The following HPS5 variants were observed in gnomAD, a reference collection of about 807,000 sequenced individuals.
HPS5 encodes the protein BLOC-2 complex member HPS5.
HPS5 carries 83 observed loss-of-function variants against 128.0 expected under a neutral mutation model. That is an observed-to-expected ratio of 0.65 (90% CI 0.54 to 0.78). The LOEUF (loss-of-function observed/expected upper bound fraction) is 0.78. Among genes scored for constraint, HPS5 ranks in the 30% least tolerant of loss-of-function variants. The pLI, the probability that HPS5 is intolerant of heterozygous loss-of-function variation, is 0.00. For synonymous variants in HPS5, 475 were observed against 470.2 expected, an observed-to-expected ratio of 1.01 and a Z score of -0.13; for missense variants, 1,281 against 1,326.2, an observed-to-expected ratio of 0.97 and a Z score of 0.53.
At chr11:18,314,165 T>C (rs988044035) in intron 2 of HPS5, among the ~76,000 whole-genome samples, 4 of 152,138 alleles carry the variant, frequency 2.6e-5, no homozygotes, top group Non-Finnish European at 4.4e-5. Flanking sequence ...TGCACTGCAG[T>C]GTGCTATGAC....
intron 1 of HPS5, among the ~76,000 whole-genome samples, chr11:18,321,456 C>G (rs974898812): frequency 1.3e-5 from 2 of 152,198 alleles, no homozygotes; most frequent in African/African-American, 4.8e-5. Context: ...AAGTTGGCGA[C>G]AAATGCTTAA....
In HPS5 at chr11:18,291,506, C is replaced by G; in HGVS notation, c.2376G>C (p.Glu792Asp). Reference sequence around the variant, plus strand: ...TATTACTGTAACTAAGCTTGATACTCTCCTTCGCTCTTTTCAAGTTCAGGA... The same window carrying G: ...TATTACTGTAACTAAGCTTGATACTGTCCTTCGCTCTTTTCAAGTTCAGGA... ...FFLLNLKRAK[E>D]SIKLSYSNSP... Residue 792 changes from glutamate (E) to aspartate (D), a missense_variant, in exon 16 of 23, where the codon GAG becomes GAC. Glu to Asp is a conservative substitution (Grantham distance 45). Transcript: ENST00000349215. 6.2e-7 allele frequency: 1 copy of G among 1,611,722 alleles called. No individual in the cohort carries two copies. Among genetic ancestry groups the G allele is most frequent in the Non-Finnish European group, 8.5e-7 (1 of 1,179,144 alleles).
In HPS5 at chr11:18,285,412, T is replaced by TCA. The variant is rs1859575840; in HGVS notation, c.2884_2885insTG (p.His962LeufsTer3). ...AAAATCTGCAGGAAGTTTAATTAGATGAAGGATCAGCTGACTGTAACCCCA... is the reference window on the plus strand; with the variant it reads ...AAAATCTGCAGGAAGTTTAATTAGATCAGAAGGATCAGCTGACTGTAACCCCA... On this transcript the variant is annotated frameshift_variant, in exon 20 of 23. Coordinates refer to ENST00000349215, the MANE Select transcript of HPS5 (RefSeq NM_181507.2). LOFTEE classifies it high-confidence loss of function. 1 of 1,613,498 alleles carries TCA rather than the reference T, an allele frequency of 6.2e-7. No homozygotes were observed. The highest frequency in any genetic ancestry group is 8.5e-7 in the Non-Finnish European group (1 of 1,179,672).
At chr11:18,317,108 G>A (rs897878750) in intron 2 of HPS5, among the ~76,000 whole-genome samples, 8 of 151,824 alleles carry the variant, frequency 5.3e-5, no homozygotes, top group African/African-American at 1.9e-4. Context: ...GCAGGAAAAC[G>A]GTGTGAACCC....
Position 18,305,460 on chromosome 11 carries a change from G to A in HPS5, c.858C>T (p.Ser286=). The change falls in exon 8 of 23, where the codon TCC becomes TCT. Residue 286 remains serine, a synonymous_variant. Coordinates refer to ENST00000349215, the MANE Select transcript of HPS5 (RefSeq NM_181507.2). The part of the protein sequence containing the change: ...SEPQYDHTAG[S]SQSLSFPKLL... Reference sequence around the variant, plus strand: ...GTTTGGGGAAAGACAAAGACTGGGAGGATCCAGCTGTATGATCATACTGAG... The same window carrying A: ...GTTTGGGGAAAGACAAAGACTGGGAAGATCCAGCTGTATGATCATACTGAG... 6.2e-7 allele frequency: 1 copy of A among 1,610,576 alleles called. No individual in the cohort carries two copies.
chr11:18,296,513 C>T, intron 12 of HPS5: 1 of 586,908 alleles, frequency 1.7e-6, no homozygotes, highest in Admixed American at 3.1e-5. Flanking sequence ...TAAAATCTTC[C>T]CACTCTTTTG....
intron 2 of HPS5, among the ~76,000 whole-genome samples, chr11:18,315,062 G>A (rs1394289901): frequency 6.6e-6 from 1 of 152,062 alleles, no homozygotes; most frequent in East Asian, 1.9e-4. Flanking sequence ...ACTAACTTTT[G>A]CTTTTCTCCC....
chr11:18,288,140 AAT>A, intron 16 of HPS5, 127 bp from the exon 17 acceptor site: 2 of 922,554 alleles, frequency 2.2e-6, no homozygotes, highest in South Asian at 3.0e-5. Flanking sequence ...TGCAAGGCCC[AAT>A]ATTAAGCATT....
intron 6 of HPS5, among the ~76,000 whole-genome samples, chr11:18,306,574 T>A (rs1275669446): frequency 2.0e-5 from 3 of 152,226 alleles, no homozygotes; most frequent in Non-Finnish European, 4.4e-5. Context: ...TTCATATTAG[T>A]ACTCAGTTTA....
intron 2 of HPS5, among the ~76,000 whole-genome samples, chr11:18,317,400 C>G (rs530409337): frequency 6.6e-6 from 1 of 151,774 alleles, no homozygotes; most frequent in Non-Finnish European, 1.5e-5. Context: ...GGATTACAGG[C>G]GCGTGCCACC....
At position 18,286,324 on chromosome 11, in the gene HPS5, C is replaced by T. The variant is rs528007895; in HGVS notation, c.2837+267G>A. Among the ~76,000 whole-genome samples, 19 of 152,256 alleles carry T rather than the reference C, an allele frequency of 1.2e-4. No homozygotes were observed. The South Asian group carries it at 3.5e-3, about 28-fold the overall frequency. On this transcript the variant is annotated intron_variant, in intron 19 of 22. Coordinates refer to ENST00000349215, the MANE Select transcript of HPS5 (RefSeq NM_181507.2). ...CTTTGTGAGGCCAAGGCAGGTAGAT[C>T]GCTTGAGCCCAGGAGATCGAGACCA...
Position 18,305,953 on chromosome 11 carries a change from C to T in HPS5, c.824+182G>A, listed in dbSNP as rs191998461. On this transcript the variant is annotated intron_variant, in intron 7 of 22. Transcript: ENST00000349215. The stretch of plus-strand genomic sequence containing the variant: ...TTCACCGCGTTAGTCAGGATGGTCT[C>T]GATCTCCTGACCTCAAGATCCGCCT... Among the ~76,000 whole-genome samples the T allele has an allele frequency of 5.5e-3, 844 of 152,232 alleles. 4 individuals are homozygous for T. Among genetic ancestry groups the T allele is most frequent in the Non-Finnish European group, 7.5e-3 (510 of 68,026 alleles).
rs188504285 is a variant in HPS5, at chr11:18,306,110, C to A, written c.824+25G>T. On this transcript the variant is annotated intron_variant, in intron 7 of 22. Transcript: ENST00000349215. ...TCTATATAGAAGCTCTTCAAACAAT[C>A]CCAACCAGCCATACAAATCGTTACC... 63 of 1,490,678 alleles carry A rather than the reference C, an allele frequency of 4.2e-5. No homozygotes were observed. In the African/African-American group the frequency reaches 7.6e-4, roughly 18 times the overall value. The allele number at this position is 1,490,678 out of a possible 1,614,324, so 92.3% of individuals were successfully genotyped here. A position where few individuals can be genotyped will look rare whatever the true frequency, so the allele number is the denominator to read the frequency against.
chr11:18,279,814 T>G lies in HPS5; in HGVS notation c.*68A>C. On this transcript the variant is annotated 3_prime_UTR_variant, in exon 23 of 23. Transcript: ENST00000349215. Reference sequence around the variant, plus strand: ...GTCTTTCCTTCAATAACAAATGCGTTCAGAAGGTTCAGGAGCATGATTTAG... The same window carrying G: ...GTCTTTCCTTCAATAACAAATGCGTGCAGAAGGTTCAGGAGCATGATTTAG... The G allele has an allele frequency of 6.8e-7, 1 of 1,460,818 alleles. No homozygotes were observed. The highest frequency in any genetic ancestry group is 1.7e-5 in the Admixed American group (1 of 59,318). The allele number at this position is 1,460,818 out of a possible 1,614,324, so 90.5% of individuals were successfully genotyped here.
chr11:18,298,660 G>A (rs550259945), intron 10 of HPS5, 132 bp downstream of exon 10: 4 of 839,642 alleles, frequency 4.8e-6, no homozygotes, highest in Non-Finnish European at 8.2e-6. Context: ...TGCTTTCTCT[G>A]GGCATGTATT....
At chr11:18,280,046 G>A in intron 22 of HPS5, 104 bp from the exon 23 acceptor site, 3 of 1,166,218 alleles carry the variant, frequency 2.6e-6, no homozygotes, top group Non-Finnish European at 3.8e-6. Context: ...AAAGTTGACT[G>A]ATTCTGTGCA....
intron 10 of HPS5, among the ~76,000 whole-genome samples, chr11:18,298,015 G>A (rs544675190): frequency 3.3e-5 from 5 of 151,742 alleles, no homozygotes; most frequent in Non-Finnish European, 7.4e-5. Flanking sequence ...GGGAGGCAGA[G>A]GTTGCAGTGA....
In HPS5 at chr11:18,282,111, C is replaced by T. The variant is rs766955971; in HGVS notation, c.3168G>A (p.Gly1056=). 1 of 1,614,154 alleles carries T rather than the reference C, an allele frequency of 6.2e-7. No homozygotes were observed. Among genetic ancestry groups the T allele is most frequent in the South Asian group, 1.1e-5 (1 of 91,078 alleles). Residue 1056 remains glycine, a synonymous_variant, in exon 22 of 23, where the codon GGG becomes GGA. Transcript: ENST00000349215. ...QESLNGSLSD[G]PSPINVENVA... ...CATTCTCCACATTGATGGGGGAAGG[C>T]CCATCACTGAGGCTCCCATTTAGTG...
chr11:18,309,935 C>T (rs73432723), intron 5 of HPS5, among the ~76,000 whole-genome samples: 2,960 of 152,236 alleles, frequency 0.019, 102 homozygotes, highest in African/African-American at 0.068. Context: ...CCTGGGCAAT[C>T]AAGACTGCAG....
Sources: allele counts gnomAD v4.1 joint callset (sites outside exome capture counted in the v4.1 genomes callset), GRCh38; gene constraint gnomAD v4.1.1; transcripts MANE v1.5; gene names NCBI Gene and HGNC (gene_info 2026-07-23, HGNC 2026-07-21).